The following SLC8A1 variants were observed in gnomAD, a reference collection of about 807,000 sequenced individuals.
SLC8A1 encodes the protein sodium/calcium exchanger 1.
Under a neutral mutation model 68.3 loss-of-function variants are expected in SLC8A1, and 18 were observed. That is an observed-to-expected ratio of 0.26 (90% CI 0.18 to 0.39). The LOEUF (loss-of-function observed/expected upper bound fraction) is 0.39. Among genes scored for constraint, SLC8A1 ranks in the 10% least tolerant of loss-of-function variants. The pLI is 1.00. For synonymous variants in SLC8A1, 475 were observed against 415.5 expected (o/e 1.14, Z -1.74); for missense variants, 985 against 1,156.7 (o/e 0.85, Z 2.15).
At chr2:40,291,565 A>T (rs540169000) in intron 2 of SLC8A1, among the ~76,000 whole-genome samples, 1 of 152,190 alleles carries the variant, frequency 6.6e-6, no homozygotes, top group African/African-American at 2.4e-5. Context: ...GGTTTGTGGA[A>T]AGAGGAGTGG....
intron 2 of SLC8A1, among the ~76,000 whole-genome samples, chr2:40,404,793 G>A (rs148696796): frequency 2.1e-3 from 319 of 152,276 alleles, no homozygotes; most frequent in Middle Eastern, 0.014. Context: ...TAAACAGGCT[G>A]TCCAAAAAGG....
chr2:40,135,336 G>C (rs758675286), intron 7 of SLC8A1, among the ~76,000 whole-genome samples: 18 of 152,188 alleles, frequency 1.2e-4, no homozygotes, highest in Non-Finnish European at 2.2e-4. Context: ...CAGAGATATG[G>C]GTGAGAGAGG....
chr2:40,398,351 A>G (rs1353570764), intron 2 of SLC8A1, among the ~76,000 whole-genome samples: 1 of 151,324 alleles, frequency 6.6e-6, no homozygotes, highest in Non-Finnish European at 1.5e-5. Flanking sequence ...ATCTAGATCC[A>G]CTCCTCACCA....
chr2:40,495,981 G>A (rs1227932097), intron 1 of SLC8A1, among the ~76,000 whole-genome samples: 2 of 151,954 alleles, frequency 1.3e-5, no homozygotes, highest in African/African-American at 4.8e-5. Context: ...TTATCTATCG[G>A]TCTAATCTAT....
chr2:40,350,545 A>G (rs964627515), intron 2 of SLC8A1, among the ~76,000 whole-genome samples: 1 of 134,638 alleles, frequency 7.4e-6, no homozygotes, highest in African/African-American at 2.9e-5. Context: ...GTGCATTTAA[A>G]ATAGCCCCAA....
intron 2 of SLC8A1, among the ~76,000 whole-genome samples, chr2:40,313,093 C>G (rs2073958317): frequency 6.6e-6 from 1 of 152,044 alleles, no homozygotes; most frequent in Non-Finnish European, 1.5e-5. Context: ...GTTCTCTTCT[C>G]TAGCTATTCC....
At chr2:40,505,362 CA>C (rs1338975349) in intron 1 of SLC8A1, among the ~76,000 whole-genome samples, 5 of 151,836 alleles carry the variant, frequency 3.3e-5, no homozygotes, top group African/African-American at 1.2e-4. Flanking sequence ...GTTTATAACT[CA>C]AAGGATAGAT....
At chr2:40,392,578 T>A (rs1188532152) in intron 2 of SLC8A1, among the ~76,000 whole-genome samples, 1 of 152,144 alleles carries the variant, frequency 6.6e-6, no homozygotes, top group Non-Finnish European at 1.5e-5. Flanking sequence ...GGGTAAGTGC[T>A]AATTGCTGAA....
chr2:40,469,633 G>C (rs548418184), intron 1 of SLC8A1, among the ~76,000 whole-genome samples: 2 of 152,124 alleles, frequency 1.3e-5, no homozygotes, highest in Admixed American at 1.3e-4. Context: ...AGGAAATCAA[G>C]TTTTTGTTCC....
rs756573272 is a variant in SLC8A1, at chr2:40,386,321, A to ATG, written c.1808+42150_1808+42151dup. Among the ~76,000 whole-genome samples the ATG allele has an allele frequency of 1.1e-3, 173 of 150,736 alleles. 5 individuals carry two copies. The highest frequency in any genetic ancestry group is 3.8e-3 in the African/African-American group (155 of 40,416). ...AGTCTATTTTACTTTCAAATGGTAA[A>ATG]TGTGTGTGTGTATATAACAGAGCAA... On this transcript the variant is annotated intron_variant, in intron 2 of 7. Coordinates refer to ENST00000406785, the Ensembl canonical transcript of SLC8A1.
intron 2 of SLC8A1, chr2:40,178,478 G>C: frequency 1.2e-6 from 2 of 1,612,726 alleles, no homozygotes; most frequent in Non-Finnish European, 1.7e-6. Context: ...CAATTACCTT[G>C]ACTGATATTG....
chr2:40,498,933 C>T (rs1233399615), intron 1 of SLC8A1, among the ~76,000 whole-genome samples: 1 of 151,932 alleles, frequency 6.6e-6, no homozygotes, highest in African/African-American at 2.4e-5. Flanking sequence ...TCAACTCGCT[C>T]AACATACAAA....
chr2:40,275,538 C>T (rs1021772196), intron 2 of SLC8A1, among the ~76,000 whole-genome samples: 6 of 152,080 alleles, frequency 3.9e-5, no homozygotes, highest in Admixed American at 2.0e-4. Flanking sequence ...GCAGGTTGTC[C>T]GGGAGGAACG....
intron 1 of SLC8A1, among the ~76,000 whole-genome samples, chr2:40,506,956 T>G (rs927073926): frequency 6.6e-6 from 1 of 151,928 alleles, no homozygotes; most frequent in African/African-American, 2.4e-5. Context: ...CTGAGCAATT[T>G]CCCTACACCT....
At chr2:40,128,186 C>T (rs1163142313) in intron 7 of SLC8A1, among the ~76,000 whole-genome samples, 1 of 152,214 alleles carries the variant, frequency 6.6e-6, no homozygotes, top group East Asian at 1.9e-4. Context: ...TTTATGGCCA[C>T]ATGTAAGCTT....
chr2:40,470,106 A>G (rs562605636), intron 1 of SLC8A1, among the ~76,000 whole-genome samples: 4 of 152,086 alleles, frequency 2.6e-5, no homozygotes, highest in South Asian at 2.1e-4. Context: ...CTCTTTCCCT[A>G]TTTTTCTGCA....
chr2:40,113,069 C>T (rs994445327), exon 8 of SLC8A1: 1 of 152,262 alleles, frequency 6.6e-6, no homozygotes, highest in Non-Finnish European at 1.5e-5. Context: ...AACTGTAACC[C>T]TTCTGAGGGC....
chr2:40,169,004 C>A (rs2047013689), intron 4 of SLC8A1, among the ~76,000 whole-genome samples: 1 of 152,204 alleles, frequency 6.6e-6, no homozygotes, highest in African/African-American at 2.4e-5. Context: ...GATCTCCCTT[C>A]TCCTGAGTAA....
intron 7 of SLC8A1, chr2:40,118,211 G>A (rs2125086828): frequency 6.6e-6 from 1 of 152,280 alleles, no homozygotes; most frequent in South Asian, 2.1e-4. Context: ...TAGGGTCTTA[G>A]CAAATGTGAA....
Sources: gnomAD v4.1 joint callset for allele counts (sites outside exome capture counted in the v4.1 genomes callset) on GRCh38, gnomAD v4.1.1 for gene constraint, MANE v1.5 for transcripts, NCBI Gene and HGNC (gene_info 2026-07-23, HGNC 2026-07-21) for gene names.